SIL1: variants seen among roughly 807,000 people sequenced by gnomAD.
SIL1 encodes the protein nucleotide exchange factor SIL1.
A neutral mutation model predicts 49.1 loss-of-function variants in SIL1; 40 were observed. The ratio of observed to expected loss-of-function variants is 0.81; its 90% CI spans 0.63 to 1.06. The LOEUF (loss-of-function observed/expected upper bound fraction) is 1.06. Among genes scored for constraint, SIL1 ranks in the 50% least tolerant of loss-of-function variants. SIL1 has a pLI of 0.00. For missense variants in SIL1, 500 were observed against 572.6 expected, an observed-to-expected ratio of 0.87 and a Z score of 1.29; for synonymous variants, 253 against 250.8, an observed-to-expected ratio of 1.01 and a Z score of -0.08.
chr5:138,957,759 CT>C (rs1308166457), intron 7 of SIL1, among the ~76,000 whole-genome samples: 5 of 152,102 alleles, frequency 3.3e-5, no homozygotes, highest in African/African-American at 1.2e-4. Context: ...CCCTTTACCC[CT>C]AAACATATCA....
chr5:139,117,021 T>A (rs1297985076), intron 3 of SIL1, among the ~76,000 whole-genome samples: 2 of 152,196 alleles, frequency 1.3e-5, no homozygotes, highest in African/African-American at 4.8e-5. Context: ...AGATTCAGCA[T>A]CATAAAATTT....
At chr5:138,951,637 C>T (rs971859426) in intron 8 of SIL1, 151 bp downstream of exon 8, 2 of 799,558 alleles carry the variant, frequency 2.5e-6, no homozygotes, top group South Asian at 3.1e-5. Context: ...CTGCCATCTG[C>T]TTTAGTTGAG....
intron 1 of SIL1, among the ~76,000 whole-genome samples, chr5:139,186,904 G>A (rs1201011474): frequency 6.6e-6 from 1 of 152,156 alleles, no homozygotes; most frequent in Non-Finnish European, 1.5e-5. Context: ...AAGGGCTCTG[G>A]GAATGGAGCA....
intron 1 of SIL1, among the ~76,000 whole-genome samples, chr5:139,152,764 T>G (rs1002717671): frequency 2.6e-5 from 4 of 152,024 alleles, no homozygotes; most frequent in African/African-American, 9.7e-5. Context: ...AATTCCATAC[T>G]CGCAACCTGC....
intron 7 of SIL1, among the ~76,000 whole-genome samples, chr5:138,966,693 C>T (rs182511009): frequency 1.5e-4 from 23 of 152,264 alleles, no homozygotes; most frequent in Non-Finnish European, 2.5e-4. Context: ...CATTTAATAG[C>T]TCTCAAGTGC....
rs1751360515 is a variant in SIL1 at position 139,154,136 on chromosome 5, G to T, written c.-10-26283C>A. On this transcript the variant is annotated intron_variant, in intron 1 of 9. Coordinates refer to ENST00000394817, the MANE Select transcript of SIL1 (RefSeq NM_022464.5). The stretch of plus-strand genomic sequence containing the variant: ...ATCTCCTCTCTCAACTGTCTTGGAT[G>T]ATAACTTGGCATTTATAAGACATCT... Among the ~76,000 whole-genome samples the T allele has an allele frequency of 2.0e-5, 3 of 152,128 alleles. No individual in the cohort carries two copies. In the South Asian group the frequency reaches 6.2e-4, roughly 32 times the overall value.
chr5:139,176,463 C>T (rs1444689356), intron 1 of SIL1, among the ~76,000 whole-genome samples: 1 of 152,168 alleles, frequency 6.6e-6, no homozygotes, highest in Non-Finnish European at 1.5e-5. Flanking sequence ...TAGCAACACC[C>T]TACTTCTCAG....
intron 9 of SIL1, among the ~76,000 whole-genome samples, chr5:138,949,812 AAAAAG>A (rs1561800715): frequency 1.3e-5 from 2 of 151,300 alleles, no homozygotes; most frequent in Admixed American, 1.3e-4. Context: ...AAAAAAAAAA[AAAAAG>A]AAAAAAGAAA....
chr5:139,173,815 C>T lies in SIL1; in HGVS notation c.-11+24454G>A, dbSNP rs757587264. ...CAAAAAAAAAAAAAAAAAAATTAGC[C>T]GGGCGTGGTGGCAGGTGCCTGTAGT... On this transcript the variant is annotated intron_variant, in intron 1 of 9. Coordinates refer to ENST00000394817, the MANE Select transcript of SIL1 (RefSeq NM_022464.5). 3.0e-5 allele frequency among the ~76,000 whole-genome samples: 4 copies of T among 134,262 alleles called. 1 individual carries two copies. The highest frequency in any genetic ancestry group is 6.5e-5 in the Non-Finnish European group (4 of 61,958). 88.1% of individuals were successfully genotyped at this position (134,262 alleles called of 152,430 possible).
rs373227885 is a variant in SIL1 at position 139,059,592 on chromosome 5, TTCA to T, written c.245-8549_245-8547del. ...TCATTAATGTTTAAGGGACACTGAG[TTCA>T]CTTTCTCTAATAATCTGTGCCAAAA... On this transcript the variant is annotated intron_variant, in intron 3 of 9. Coordinates refer to ENST00000394817, the MANE Select transcript of SIL1 (RefSeq NM_022464.5). 5.8e-4 allele frequency among the ~76,000 whole-genome samples: 89 copies of T among 152,310 alleles called. No individual in the cohort carries two copies. In the East Asian group the frequency reaches 0.016, roughly 27 times the overall value.
chr5:139,054,072 G>C (rs1197863998), intron 3 of SIL1, among the ~76,000 whole-genome samples: 1 of 152,116 alleles, frequency 6.6e-6, no homozygotes, highest in Middle Eastern at 3.2e-3. Flanking sequence ...CCTGAGCCCA[G>C]GAGTTAGAGA....
rs367847193 is a variant in SIL1 at position 138,974,375 on chromosome 5, C to T, written c.768-22491G>A. On this transcript the variant is annotated intron_variant, in intron 7 of 9. Transcript: ENST00000394817. ...CCCTTTGGGCCTGCTCTACAGCCTC[C>T]GCACTGCTCTGAAACATCACCACTG... 1.1e-4 allele frequency among the ~76,000 whole-genome samples: 16 copies of T among 152,334 alleles called. No individual in the cohort carries two copies. In the East Asian group the frequency reaches 2.5e-3, roughly 24 times the overall value.
intron 3 of SIL1, among the ~76,000 whole-genome samples, chr5:139,086,448 T>A (rs1220777068): frequency 7.9e-5 from 12 of 151,886 alleles, no homozygotes; most frequent in African/African-American, 2.6e-4. Context: ...CACTGCAACC[T>A]CTACCTCCCA....
intron 3 of SIL1, among the ~76,000 whole-genome samples, chr5:139,062,799 T>C (rs1012637234): frequency 6.6e-6 from 1 of 152,242 alleles, no homozygotes; most frequent in Non-Finnish European, 1.5e-5. Flanking sequence ...AAGTGGCTAG[T>C]CCACAAGCAT....
At chr5:139,013,872 A>C (rs1183906668) in intron 7 of SIL1, 2 of 152,146 alleles carry the variant, frequency 1.3e-5, no homozygotes, top group African/African-American at 4.8e-5. Context: ...AGCACAGAAA[A>C]ATTTTAAAGC....
chr5:139,183,307 T>C (rs1463979200), intron 1 of SIL1, among the ~76,000 whole-genome samples: 1 of 152,218 alleles, frequency 6.6e-6, no homozygotes, highest in Non-Finnish European at 1.5e-5. Flanking sequence ...AGGCTTTAAA[T>C]TCTGATTTAA....
chr5:139,002,872 C>T (rs1768017463), intron 7 of SIL1, among the ~76,000 whole-genome samples: 2 of 152,144 alleles, frequency 1.3e-5, no homozygotes, highest in Admixed American at 1.3e-4. Flanking sequence ...TTCATTTCAC[C>T]ACAACCTCCA....
At chr5:139,091,770 CTG>C (rs1344604097) in intron 3 of SIL1, among the ~76,000 whole-genome samples, 1 of 152,210 alleles carries the variant, frequency 6.6e-6, no homozygotes, top group East Asian at 1.9e-4. Flanking sequence ...TGGTTTCAGG[CTG>C]TGAGACCCTG....
intron 7 of SIL1, among the ~76,000 whole-genome samples, chr5:139,016,305 A>G (rs1157211296): frequency 6.6e-6 from 1 of 152,188 alleles, no homozygotes; most frequent in African/African-American, 2.4e-5. Flanking sequence ...TGGGAGGAAA[A>G]ATCTAGTTTG....
Sources: allele counts gnomAD v4.1 joint callset (sites outside exome capture counted in the v4.1 genomes callset), GRCh38; gene constraint gnomAD v4.1.1; transcripts MANE v1.5; gene names NCBI Gene and HGNC (gene_info 2026-07-23, HGNC 2026-07-21).